The following LTBP2 variants were observed in gnomAD, a reference collection of about 807,000 sequenced individuals.
LTBP2 encodes the protein latent transforming growth factor beta binding protein 2.
In LTBP2, 103 loss-of-function variants were observed where a neutral mutation model predicts 210.6. The observed-to-expected ratio is 0.49, with a 90% CI of 0.42 to 0.58. The LOEUF (loss-of-function observed/expected upper bound fraction) is 0.58. LTBP2 is among the 20% of genes least tolerant of loss of function. The probability of loss-of-function intolerance (pLI) is 0.00; values close to 1 mark genes in which losing one functional copy is unlikely to be tolerated. For missense variants in LTBP2, 2,313 were observed against 2,494.5 expected (o/e 0.93, Z 1.55); for synonymous variants, 1,007 against 1,015.0 (o/e 0.99, Z 0.15).
intron 1 of LTBP2, among the ~76,000 whole-genome samples, chr14:74,605,503 C>A (rs1236824235): frequency 6.6e-6 from 1 of 152,184 alleles, no homozygotes; most frequent in South Asian, 2.1e-4. Context: ...TCCGGGGGTG[C>A]GCCCCAGTGG....
At chr14:74,521,395 G>T (rs1052845193) in intron 17 of LTBP2, among the ~76,000 whole-genome samples, 2 of 150,408 alleles carry the variant, frequency 1.3e-5, no homozygotes, top group Admixed American at 6.6e-5. Context: ...CGTTGGGAGC[G>T]TATTTATCAA....
Position 74,507,233 on chromosome 14 carries a change from A to G in LTBP2, c.3853T>C (p.Cys1285Arg). The change falls in exon 26 of 36, where the codon TGT becomes CGT. Residue 1285 changes from cysteine (C) to arginine (R), a missense_variant. By Grantham distance (180) the Cys-to-Arg change is radical. Transcript: ENST00000261978. The part of the protein sequence containing the change: ...KCENSPGSYR[C>R]VLGCQPGFHM... ...AAGCCAGGCTGGCAGCCCAGAACAC[A>G]GCGGTAGGAGCCAGGGCTGTTTTCA... The G allele has an allele frequency of 6.2e-7, 1 of 1,614,202 alleles. No homozygotes were observed. Among genetic ancestry groups the G allele is most frequent in the Non-Finnish European group, 8.5e-7 (1 of 1,180,026 alleles).
In LTBP2 at chr14:74,585,913, C is replaced by T; in HGVS notation, c.771G>A (p.Leu257=). Residue 257 remains leucine (L), a synonymous_variant, in exon 3 of 36, where the codon TTG becomes TTA. Transcript: ENST00000261978. ...GTGGTGCTGGCGGCTGTGCTCTGGC[C>T]AAGGTGCCCTCTCCAGCCGCACTGC... ...RRSSAAGEGT[L]ARAQPPAPQS... 3 of 1,613,192 alleles carry T rather than the reference C, an allele frequency of 1.9e-6. No homozygotes were observed. Among genetic ancestry groups the T allele is most frequent in the Non-Finnish European group, 2.5e-6 (3 of 1,179,908 alleles).
rs939196427 is a variant in LTBP2, at chr14:74,586,864, C to T, written c.566-746G>A. 1.4e-4 allele frequency among the ~76,000 whole-genome samples: 22 copies of T among 152,312 alleles called. No homozygotes were observed. The highest frequency in any genetic ancestry group is 4.1e-4 in the African/African-American group (17 of 41,562). On this transcript the variant is annotated intron_variant, in intron 2 of 35. Transcript: ENST00000261978. The surrounding 1 kb of genome is among the most constrained non-coding windows in gnomAD (Gnocchi z 4.6). ...TAGCTGCCGGCACCACAGCCGCTGC[C>T]GGCCAGGTAAGTGCCCCGCTCTGTG... is the stretch of plus-strand genomic sequence containing the variant.
At chr14:74,543,560 T>TC (rs2087541637) in intron 8 of LTBP2, among the ~76,000 whole-genome samples, 9 of 149,352 alleles carry the variant, frequency 6.0e-5, no homozygotes, top group African/African-American at 2.2e-4. Flanking sequence ...CTCCCTTCCT[T>TC]CCTCCCTTCC....
intron 28 of LTBP2, 69 bp downstream of exon 28, chr14:74,505,979 G>A: frequency 6.3e-7 from 1 of 1,595,304 alleles, no homozygotes; most frequent in Non-Finnish European, 8.6e-7. Flanking sequence ...GGCTAGTAGA[G>A]GGATGCAGAG....
At chr14:74,513,942 T>C (rs536275523) in intron 18 of LTBP2, among the ~76,000 whole-genome samples, 1 of 152,336 alleles carries the variant, frequency 6.6e-6, no homozygotes, top group East Asian at 1.9e-4. Context: ...CCAGTGATTA[T>C]CACACGTGAA....
At chr14:74,542,957 C>T (rs111272338) in intron 8 of LTBP2, among the ~76,000 whole-genome samples, 42,804 of 151,402 alleles carry the variant, frequency 0.28, 7,103 homozygotes, top group Non-Finnish European at 0.37. Context: ...AGTAGAGAGA[C>T]GGGGTTTCAC....
intron 1 of LTBP2, among the ~76,000 whole-genome samples, chr14:74,611,231 T>C (rs1181317887): frequency 2.0e-5 from 3 of 152,144 alleles, no homozygotes; most frequent in Non-Finnish European, 4.4e-5. Context: ...GGAGAGTTGG[T>C]AAGAAAGGAT....
rs560419282 is a variant in LTBP2 at position 74,547,809 on chromosome 14, C to G, written c.1789+2054G>C. Among the ~76,000 whole-genome samples, 79 of 152,254 alleles carry G rather than the reference C, an allele frequency of 5.2e-4. 1 individual carries two copies. In the South Asian group the frequency reaches 0.016, roughly 30 times the overall value. ...GGGAGAGAGACCCCCACCCACTTGTCTGAATGAGCCAGCTCTTGGGAACCA... is the reference window on the plus strand; with the variant it reads ...GGGAGAGAGACCCCCACCCACTTGTGTGAATGAGCCAGCTCTTGGGAACCA... On this transcript the variant is annotated intron_variant, in intron 8 of 35. Coordinates refer to ENST00000261978, the MANE Select transcript of LTBP2 (RefSeq NM_000428.3).
intron 30 of LTBP2, 110 bp from the exon 31 acceptor site, chr14:74,504,164 TA>T: frequency 7.0e-7 from 1 of 1,423,760 alleles, no homozygotes; most frequent in Admixed American, 1.9e-5. Context: ...TGCCACTTAC[TA>T]GGTGGCTTTG....
chr14:74,535,896 T>G, intron 9 of LTBP2, 30 bp downstream of exon 9: 3 of 1,603,180 alleles, frequency 1.9e-6, no homozygotes, highest in Non-Finnish European at 1.7e-6. Flanking sequence ...CCGGCATCCT[T>G]GAGCCCAGCC....
Position 74,543,920 on chromosome 14 carries a change from A to G in LTBP2, c.1789+5943T>C, listed in dbSNP as rs547396551. The stretch of plus-strand genomic sequence containing the variant: ...TCACCACAAACAGTGAGGTCGAAAA[A>G]GAGTCTGGTCAGACCCCTGGCTCAG... On this transcript the variant is annotated intron_variant, in intron 8 of 35. Coordinates refer to ENST00000261978, the MANE Select transcript of LTBP2 (RefSeq NM_000428.3). Among the ~76,000 whole-genome samples the G allele has an allele frequency of 2.8e-3, 419 of 152,314 alleles. 2 individuals are homozygous for G. The highest frequency in any genetic ancestry group is 8.6e-3 in the African/African-American group (359 of 41,574).
chr14:74,535,908 T>C lies in LTBP2; in HGVS notation c.1864+18A>G. The C allele has an allele frequency of 6.2e-7, 1 of 1,612,084 alleles. No homozygotes were observed. The highest frequency in any genetic ancestry group is 8.5e-7 in the Non-Finnish European group (1 of 1,178,160). On this transcript the variant is annotated intron_variant, in intron 9 of 35. Transcript: ENST00000261978. ...GCCCCGGCATCCTTGAGCCCAGCCC[T>C]GGCCCTGGGGGTCCTACCTTGGCAG... is the stretch of plus-strand genomic sequence containing the variant.
At chr14:74,574,745 C>T (rs1055670464) in intron 3 of LTBP2, among the ~76,000 whole-genome samples, 9 of 152,106 alleles carry the variant, frequency 5.9e-5, no homozygotes, top group Admixed American at 5.2e-4. Flanking sequence ...ACCCAGGATG[C>T]GGTCCATATA....
intron 18 of LTBP2, 135 bp from the exon 19 acceptor site, chr14:74,511,499 G>C (rs759316943): frequency 4.8e-5 from 54 of 1,130,926 alleles, no homozygotes; most frequent in Non-Finnish European, 6.4e-5. Flanking sequence ...AAGAATGAGA[G>C]CTGCCCTGTG....
At chr14:74,560,580 A>C (rs1257997476) in intron 3 of LTBP2, among the ~76,000 whole-genome samples, 1 of 152,156 alleles carries the variant, frequency 6.6e-6, no homozygotes, top group East Asian at 1.9e-4. Flanking sequence ...GTGGGCGAGG[A>C]GCTCTGTGCC....
In LTBP2 at chr14:74,500,137, T is replaced by C. The variant is rs2086893487; in HGVS notation, c.*747A>G. On this transcript the variant is annotated 3_prime_UTR_variant, in exon 36 of 36. Transcript: ENST00000261978. ...GGATTCAGCTACTGAATATTTTCTT[T>C]AGACGTATAAAGCCTTGGCTCCCCT... 1 of 233,912 alleles carries C rather than the reference T, an allele frequency of 4.3e-6. No individual in the cohort carries two copies. The highest frequency in any genetic ancestry group is 8.4e-6 in the Non-Finnish European group (1 of 118,662). The allele number at this position is 233,912 out of a possible 1,614,324, so 14.5% of individuals were successfully genotyped here.
intron 3 of LTBP2, among the ~76,000 whole-genome samples, chr14:74,573,017 A>G: frequency 6.6e-6 from 1 of 152,214 alleles, no homozygotes; most frequent in Admixed American, 6.5e-5. Flanking sequence ...CCGGTGCTGG[A>G]AACTGTATAC....
Sources: allele counts gnomAD v4.1 joint callset (sites outside exome capture counted in the v4.1 genomes callset), GRCh38; gene constraint gnomAD v4.1.1; non-coding constraint Gnocchi (gnomAD v3.1); transcripts MANE v1.5; gene names NCBI Gene and HGNC (gene_info 2026-07-23, HGNC 2026-07-21).